GRM1: variants seen among roughly 807,000 people sequenced by gnomAD.
GRM1 encodes metabotropic glutamate receptor 1.
GRM1 carries 33 observed loss-of-function variants against 90.9 expected under a neutral mutation model. The ratio of observed to expected loss-of-function variants is 0.36; its 90% CI spans 0.28 to 0.49. The LOEUF (loss-of-function observed/expected upper bound fraction) is 0.49. GRM1 is among the 20% of genes least tolerant of loss of function. The probability of loss-of-function intolerance (pLI) is 0.99; values close to 1 mark genes in which losing one functional copy is unlikely to be tolerated. For missense variants in GRM1, 1,190 were observed against 1,534.3 expected (o/e 0.78, Z 3.75); for synonymous variants, 700 against 613.2 (o/e 1.14, Z -2.09).
intron 4 of GRM1, among the ~76,000 whole-genome samples, chr6:146,356,154 T>A (rs1214241301): frequency 1.3e-5 from 2 of 152,198 alleles, no homozygotes; most frequent in African/African-American, 4.8e-5. Flanking sequence ...CGTATAGTAA[T>A]GAAAATAACC....
intron 3 of GRM1, among the ~76,000 whole-genome samples, chr6:146,333,353 T>G (rs1230978650): frequency 6.6e-6 from 1 of 152,090 alleles, no homozygotes; most frequent in Non-Finnish European, 1.5e-5. Context: ...CAGGTGTTGA[T>G]TCTTTTTTTT....
chr6:146,246,222 G>A (rs1001968933), intron 2 of GRM1, among the ~76,000 whole-genome samples: 1 of 152,174 alleles, frequency 6.6e-6, no homozygotes, highest in Non-Finnish European at 1.5e-5. Flanking sequence ...CAACAACTTA[G>A]CAACAGATGA....
chr6:146,036,037 T>G (rs1274769002), intron 1 of GRM1, among the ~76,000 whole-genome samples: 9 of 151,960 alleles, frequency 5.9e-5, no homozygotes, highest in Admixed American at 3.3e-4. Flanking sequence ...CAGCTTCCAT[T>G]TTATGTTTCT....
chr6:146,412,605 G>A (rs879810649), intron 7 of GRM1, among the ~76,000 whole-genome samples: 3 of 152,266 alleles, frequency 2.0e-5, no homozygotes, highest in Admixed American at 6.5e-5. Context: ...GTTTCCCAAA[G>A]CCTACCTTAT....
At chr6:146,194,919 C>T (rs576462553) in intron 2 of GRM1, among the ~76,000 whole-genome samples, 2 of 152,228 alleles carry the variant, frequency 1.3e-5, no homozygotes, top group South Asian at 2.1e-4. Context: ...AACTTAGTTT[C>T]GAGATGTTAC....
chr6:146,032,836 G>T (rs1790755619), intron 1 of GRM1, among the ~76,000 whole-genome samples: 1 of 152,142 alleles, frequency 6.6e-6, no homozygotes, highest in Admixed American at 6.6e-5. Flanking sequence ...CTGGACTAGT[G>T]TACCTTCATT....
intron 2 of GRM1, among the ~76,000 whole-genome samples, chr6:146,198,756 G>A (rs547811201): frequency 1.3e-5 from 2 of 152,088 alleles, no homozygotes; most frequent in African/African-American, 4.8e-5. Context: ...GGCATTCCTT[G>A]TCCCCAGTGT....
chr6:146,085,421 T>C lies in GRM1; in HGVS notation c.700+55204T>C, dbSNP rs183440450. Among the ~76,000 whole-genome samples, 3 of 152,292 alleles carry C rather than the reference T, an allele frequency of 2.0e-5. No homozygotes were observed. The East Asian group carries it at 5.8e-4, about 29-fold the overall frequency. ...TTCGGAGAAGAAATTTAAGATGGTA[T>C]AGACTATTCTTTCACATAATTCTGA... On this transcript the variant is annotated intron_variant, in intron 1 of 7. Coordinates refer to ENST00000282753, the MANE Select transcript of GRM1 (RefSeq NM_001278064.2).
At chr6:146,246,177 A>G (rs1197433214) in intron 2 of GRM1, among the ~76,000 whole-genome samples, 10 of 152,166 alleles carry the variant, frequency 6.6e-5, no homozygotes, top group Non-Finnish European at 1.5e-5. Context: ...TAGCAGTTAT[A>G]CTCCAGAGAG....
intron 1 of GRM1, among the ~76,000 whole-genome samples, chr6:146,041,631 T>A (rs768936528): frequency 6.6e-6 from 1 of 151,932 alleles, no homozygotes; most frequent in Non-Finnish European, 1.5e-5. Flanking sequence ...TCCTACAATG[T>A]GGTGCTGCTG....
At chr6:146,042,483 G>A (rs1441283295) in intron 1 of GRM1, among the ~76,000 whole-genome samples, 1 of 152,044 alleles carries the variant, frequency 6.6e-6, no homozygotes, top group African/African-American at 2.4e-5. Context: ...CAAGGTTGCT[G>A]AGGAGCCACG....
At chr6:146,318,721 T>C (rs1035893299) in intron 3 of GRM1, among the ~76,000 whole-genome samples, 6 of 152,224 alleles carry the variant, frequency 3.9e-5, no homozygotes, top group African/African-American at 1.2e-4. Context: ...TGGTATCTCA[T>C]TGAGGTTTTG....
intron 1 of GRM1, among the ~76,000 whole-genome samples, chr6:146,102,442 C>T (rs1249823891): frequency 6.6e-6 from 1 of 152,168 alleles, no homozygotes; most frequent in Non-Finnish European, 1.5e-5. Context: ...TCCTTCTCCT[C>T]CTGTGTATCT....
At chr6:146,300,458 G>T (rs942975672) in intron 2 of GRM1, among the ~76,000 whole-genome samples, 1 of 152,144 alleles carries the variant, frequency 6.6e-6, no homozygotes, top group Non-Finnish European at 1.5e-5. Flanking sequence ...TTTGAAATGT[G>T]AAATTTTATA....
At chr6:146,071,736 A>G (rs752944980) in intron 1 of GRM1, among the ~76,000 whole-genome samples, 32 of 152,176 alleles carry the variant, frequency 2.1e-4, no homozygotes, top group Non-Finnish European at 4.3e-4. Flanking sequence ...TACAGTCATG[A>G]TAAAACCTTG....
intron 2 of GRM1, among the ~76,000 whole-genome samples, chr6:146,245,827 T>C (rs552400250): frequency 1.3e-5 from 2 of 152,338 alleles, no homozygotes; most frequent in African/African-American, 4.8e-5. Context: ...TTCAACTGTC[T>C]ATTATTTGTG....
intron 2 of GRM1, among the ~76,000 whole-genome samples, chr6:146,245,671 A>G (rs1781033772): frequency 6.6e-6 from 1 of 152,186 alleles, no homozygotes; most frequent in African/African-American, 2.4e-5. Context: ...GAGTGCCTAC[A>G]CTTCATAATT....
At chr6:146,046,809 A>G (rs1316368829) in intron 1 of GRM1, among the ~76,000 whole-genome samples, 1 of 151,898 alleles carries the variant, frequency 6.6e-6, no homozygotes, top group Non-Finnish European at 1.5e-5. Flanking sequence ...AGTTCTTACC[A>G]TTGTTTTTAG....
intron 3 of GRM1, among the ~76,000 whole-genome samples, chr6:146,310,179 A>G (rs1343374369): frequency 6.6e-6 from 1 of 152,234 alleles, no homozygotes; most frequent in Non-Finnish European, 1.5e-5. Context: ...ACTTTGAAGC[A>G]AGGGGACTCT....
Sources: gnomAD v4.1 joint callset for allele counts (sites outside exome capture counted in the v4.1 genomes callset) on GRCh38, gnomAD v4.1.1 for gene constraint, MANE v1.5 for transcripts, NCBI Gene and HGNC (gene_info 2026-07-23, HGNC 2026-07-21) for gene names.